Variants in PGS1 observed in about 807,000 individuals in gnomAD.
PGS1 encodes phosphatidylglycerophosphate synthase 1, also known as CDP-diacylglycerol--glycerol-3-phosphate 3-phosphatidyltransferase, mitochondrial.
PGS1 carries 44 observed loss-of-function variants against 58.3 expected under a neutral mutation model. That is an observed-to-expected ratio of 0.75 (90% CI 0.59 to 0.97). The LOEUF (loss-of-function observed/expected upper bound fraction) is 0.97, where lower values mean the gene tolerates loss of function less well. Among genes scored for constraint, PGS1 ranks in the 50% least tolerant of loss-of-function variants. The probability of loss-of-function intolerance (pLI) is 0.00; values close to 1 mark genes in which losing one functional copy is unlikely to be tolerated. For synonymous variants in PGS1, 330 were observed against 311.0 expected (o/e 1.06, Z -0.64); for missense variants, 684 against 731.1 (o/e 0.94, Z 0.74).
At chr17:78,423,102 C>CT (rs2086055487) in intron 9 of PGS1, among the ~76,000 whole-genome samples, 2 of 52,260 alleles carry the variant, frequency 3.8e-5, no homozygotes, top group African/African-American at 7.6e-5. Flanking sequence ...CTCACTCTCC[C>CT]TCGAAAAAAA....
chr17:78,403,561 T>A lies in PGS1; in HGVS notation c.881-7T>A. ...TTCCCTTCACTCTTCTTTCACGTCT[T>A]CCCCAGGGGACCGGGCCGAGTACTG... On this transcript the variant is annotated splice_polypyrimidine_tract_variant and splice_region_variant and intron_variant, in intron 6 of 9. Transcript: ENST00000262764. 6.2e-7 allele frequency: 1 copy of A among 1,606,648 alleles called. No individual in the cohort carries two copies. Among genetic ancestry groups the A allele is most frequent in the Non-Finnish European group, 8.5e-7 (1 of 1,174,156 alleles).
intron 9 of PGS1, 57 bp downstream of exon 9, chr17:78,419,732 C>T (rs752652173): frequency 1.4e-4 from 227 of 1,602,102 alleles, no homozygotes; most frequent in Non-Finnish European, 1.8e-4. Flanking sequence ...ACAGGTGGGG[C>T]AGGTGGTTGT....
chr17:78,400,810 G>A lies in PGS1; in HGVS notation c.835G>A (p.Asp279Asn). 3 of 1,613,036 alleles carry A rather than the reference G, an allele frequency of 1.9e-6. No individual in the cohort carries two copies. Among genetic ancestry groups the A allele is most frequent in the Non-Finnish European group, 2.5e-6 (3 of 1,179,404 alleles). Reference protein sequence around the residue: ...VGDVSLQLQGDDTVQVVDGMV... With the variant: ...VGDVSLQLQGNDTVQVVDGMV... The stretch of plus-strand genomic sequence containing the variant: ...GGATGTGTCCCTGCAGCTGCAGGGG[G>A]ACGACACGGTGCAGGTGGTGGATGG... Residue 279 changes from aspartate to asparagine, a missense_variant, in exon 6 of 10, where the codon GAC becomes AAC. Physicochemically the swap from Asp to Asn is conservative, Grantham distance 23. Transcript: ENST00000262764. This position sits in a 1 kb window ranked among gnomAD's most constrained non-coding sequence, Gnocchi z 4.4.
rs572315262 is a variant in PGS1, at chr17:78,413,092, C to T, written c.1403-1787C>T. On this transcript the variant is annotated intron_variant, in intron 7 of 9. Coordinates refer to ENST00000262764, the MANE Select transcript of PGS1 (RefSeq NM_024419.5). ...CCTGTGGTCCTGTGAACGGCCTGCA[C>T]GGCCAGTGGCCCAGCGGAGCGGTAC... Among the ~76,000 whole-genome samples, 16 of 152,354 alleles carry T rather than the reference C, an allele frequency of 1.1e-4. No homozygotes were observed. The South Asian group carries it at 1.9e-3, about 18-fold the overall frequency.
chr17:78,401,182 C>T (rs903994654), intron 6 of PGS1, among the ~76,000 whole-genome samples: 1 of 152,106 alleles, frequency 6.6e-6, no homozygotes, highest in Non-Finnish European at 1.5e-5. Flanking sequence ...CCTAGTGACC[C>T]AGGTCTCAGG....
Position 78,403,965 on chromosome 17 carries a change from C to T in PGS1, c.1278C>T (p.Gly426=), listed in dbSNP as rs200194029. ...NGFFGAKGVA[G]AIPAAYVHIE... ...TCTTTGGGGCCAAGGGGGTGGCCGG[C>T]GCCATCCCAGCGGCCTATGTGCACA... The change falls in exon 7 of 10, where the codon GGC becomes GGT. Residue 426 remains glycine, a synonymous_variant. Coordinates refer to ENST00000262764, the MANE Select transcript of PGS1 (RefSeq NM_024419.5). 8 of 1,613,984 alleles carry T rather than the reference C, an allele frequency of 5.0e-6. No individual in the cohort carries two copies. The East Asian group carries it at 8.9e-5, about 18-fold the overall frequency.
At chr17:78,396,438 T>C in intron 3 of PGS1, 53 bp downstream of exon 3, 1 of 1,281,526 alleles carries the variant, frequency 7.8e-7, no homozygotes, top group Non-Finnish European at 1.1e-6. Context: ...GGCCCCAACA[T>C]GCCACAGCTT....
chr17:78,386,534 A>G (rs2082397368), intron 1 of PGS1, among the ~76,000 whole-genome samples: 1 of 152,178 alleles, frequency 6.6e-6, no homozygotes, highest in South Asian at 2.1e-4. Flanking sequence ...CCAGGTCTTG[A>G]TGTGGAAATT....
intron 1 of PGS1, among the ~76,000 whole-genome samples, chr17:78,383,975 C>G (rs924163064): frequency 6.6e-6 from 1 of 152,102 alleles, no homozygotes; most frequent in Non-Finnish European, 1.5e-5. Context: ...GTAAACGGGT[C>G]GATTTTGAGG....
Position 78,424,308 on chromosome 17 carries a change from C to T in PGS1, c.*258C>T, listed in dbSNP as rs2086299577. The T allele has an allele frequency of 2.2e-6, 2 of 917,254 alleles. No individual in the cohort carries two copies. The highest frequency in any genetic ancestry group is 2.9e-5 in the Admixed American group (1 of 34,228). The allele number at this position is 917,254 out of a possible 1,614,324, so 56.8% of individuals were successfully genotyped here. On this transcript the variant is annotated 3_prime_UTR_variant, in exon 10 of 10. Transcript: ENST00000262764. ...AGCTGCCACGGCTGGAAGCAGAGGCCTTCGTAGGTGATGGCCTGCATGTTG... is the reference window on the plus strand; with the variant it reads ...AGCTGCCACGGCTGGAAGCAGAGGCTTTCGTAGGTGATGGCCTGCATGTTG...
At position 78,398,240 on chromosome 17, in the gene PGS1, C is replaced by G; in HGVS notation, c.412-12C>G. 3 of 1,590,930 alleles carry G rather than the reference C, an allele frequency of 1.9e-6. No individual in the cohort carries two copies. Among genetic ancestry groups the G allele is most frequent in the Non-Finnish European group, 2.6e-6 (3 of 1,158,886 alleles). On this transcript the variant is annotated splice_polypyrimidine_tract_variant and intron_variant, in intron 3 of 9. Coordinates refer to ENST00000262764, the MANE Select transcript of PGS1 (RefSeq NM_024419.5). ...GGGTCTTAATCTTCTTTTCTGTGTT[C>G]TTTCTTGGTAGGTGGACTGCCTGGA...
chr17:78,394,394 T>C (rs939606472), intron 2 of PGS1, among the ~76,000 whole-genome samples: 5 of 151,974 alleles, frequency 3.3e-5, no homozygotes, highest in Non-Finnish European at 7.4e-5. Flanking sequence ...TCAGAGTGCA[T>C]TCTTTGTGTG....
intron 7 of PGS1, 50 bp from the exon 8 acceptor site, chr17:78,414,829 T>G: frequency 6.2e-7 from 1 of 1,600,922 alleles, no homozygotes; most frequent in Non-Finnish European, 8.5e-7. Flanking sequence ...GAGAGGACTT[T>G]GGTAGATGCT....
intron 7 of PGS1, among the ~76,000 whole-genome samples, chr17:78,409,894 T>TGA (rs1567988014): frequency 1.3e-5 from 2 of 152,232 alleles, no homozygotes; most frequent in Non-Finnish European, 2.9e-5. Context: ...GCGGATCACC[T>TGA]GAGGCCAGAA....
intron 2 of PGS1, among the ~76,000 whole-genome samples, chr17:78,395,601 C>A (rs1283728355): frequency 6.6e-6 from 1 of 152,122 alleles, no homozygotes; most frequent in South Asian, 2.1e-4. Flanking sequence ...GGGAGAGGCC[C>A]CCTGGCTGTT....
chr17:78,418,454 G>C (rs565942590), intron 8 of PGS1, among the ~76,000 whole-genome samples: 2 of 152,062 alleles, frequency 1.3e-5, no homozygotes, highest in African/African-American at 2.4e-5. Context: ...AGCTTCCTTT[G>C]CCTGCCGATT....
chr17:78,405,818 C>T (rs530635171), intron 7 of PGS1, among the ~76,000 whole-genome samples: 8 of 152,182 alleles, frequency 5.3e-5, no homozygotes, highest in Non-Finnish European at 1.2e-4. Flanking sequence ...GCCTGTTTTG[C>T]TCCTTCTCTT....
At chr17:78,422,486 A>G (rs1378539155) in intron 9 of PGS1, among the ~76,000 whole-genome samples, 1 of 125,064 alleles carries the variant, frequency 8.0e-6, no homozygotes, top group East Asian at 2.0e-4. Context: ...CGATATTCCT[A>G]ATGGGTGTGT....
chr17:78,423,902 C>A (rs769803281), intron 9 of PGS1, 159 bp from the exon 10 acceptor site: 20 of 1,613,584 alleles, frequency 1.2e-5, no homozygotes, highest in Non-Finnish European at 1.5e-5. Context: ...GAGGCAGGAG[C>A]GAGCTAAACC....
Sources: gnomAD v4.1 joint callset for allele counts (sites outside exome capture counted in the v4.1 genomes callset) on GRCh38, gnomAD v4.1.1 for gene constraint, Gnocchi (gnomAD v3.1) non-coding constraint, MANE v1.5 for transcripts, NCBI Gene and HGNC (gene_info 2026-07-23, HGNC 2026-07-21) for gene names.